EPB41L2: variants seen among roughly 807,000 people sequenced by gnomAD.
The protein encoded by EPB41L2 is band 4.1-like protein 2.
Under a neutral mutation model 113.0 loss-of-function variants are expected in EPB41L2, and 43 were observed. The observed-to-expected ratio is 0.38, with a 90% CI of 0.30 to 0.49. EPB41L2 has a LOEUF of 0.49. Among genes scored for constraint, EPB41L2 ranks in the 20% least tolerant of loss-of-function variants. EPB41L2 has a pLI of 0.95. For missense variants in EPB41L2, 1,147 were observed against 1,223.4 expected (o/e 0.94, Z 0.93); for synonymous variants, 442 against 436.7 (o/e 1.01, Z -0.15).
chr6:130,857,010 G>T (rs992163428), intron 19 of EPB41L2, among the ~76,000 whole-genome samples: 1 of 151,892 alleles, frequency 6.6e-6, no homozygotes, highest in African/African-American at 2.4e-5. Flanking sequence ...ATTAAAATGT[G>T]ACAAATACCC....
chr6:130,959,118 A>G (rs1195710171), intron 1 of EPB41L2, among the ~76,000 whole-genome samples: 1 of 152,240 alleles, frequency 6.6e-6, no homozygotes, highest in African/African-American at 2.4e-5. Flanking sequence ...GGCTGAATAT[A>G]GAAAGTCAAA....
At chr6:130,930,191 G>T (rs1197838385) in intron 3 of EPB41L2, among the ~76,000 whole-genome samples, 1 of 151,908 alleles carries the variant, frequency 6.6e-6, no homozygotes, top group Non-Finnish European at 1.5e-5. Flanking sequence ...CCTTTCACTT[G>T]GGAAACCTGA....
intron 1 of EPB41L2, among the ~76,000 whole-genome samples, chr6:131,004,963 A>G (rs1037869891): frequency 6.6e-6 from 1 of 152,244 alleles, no homozygotes; most frequent in East Asian, 1.9e-4. Flanking sequence ...ACTTTCTATC[A>G]AGATTTTACT....
intron 1 of EPB41L2, among the ~76,000 whole-genome samples, chr6:131,057,938 G>T (rs1004230471): frequency 1.3e-5 from 2 of 152,160 alleles, no homozygotes; most frequent in African/African-American, 4.8e-5. Flanking sequence ...CCATGATGCC[G>T]AACTTAGTTA....
At chr6:130,848,612 C>T (rs112783504) in intron 19 of EPB41L2, among the ~76,000 whole-genome samples, 4,202 of 152,286 alleles carry the variant, frequency 0.028, 193 homozygotes, top group African/African-American at 0.096. Flanking sequence ...GGCTACCATA[C>T]TGGACAGAAC....
intron 1 of EPB41L2, among the ~76,000 whole-genome samples, chr6:131,014,918 A>G (rs993423067): frequency 6.6e-6 from 1 of 152,220 alleles, no homozygotes; most frequent in Non-Finnish European, 1.5e-5. Flanking sequence ...AAGCAAACCA[A>G]GGAATTCAAA....
intron 3 of EPB41L2, among the ~76,000 whole-genome samples, chr6:130,927,676 G>A (rs576026484): frequency 6.6e-6 from 1 of 152,314 alleles, no homozygotes; most frequent in Admixed American, 6.5e-5. Flanking sequence ...GTATCTTGAG[G>A]AGGAGAATCT....
At chr6:130,900,860 T>C (rs1301927151) in intron 7 of EPB41L2, 102 bp downstream of exon 7, 8 of 1,382,650 alleles carry the variant, frequency 5.8e-6, no homozygotes, top group African/African-American at 1.4e-5. Context: ...AAAGGAAAAA[T>C]TGGATAATCC....
intron 1 of EPB41L2, among the ~76,000 whole-genome samples, chr6:130,974,699 T>C (rs1777731695): frequency 6.8e-6 from 1 of 146,610 alleles, no homozygotes; most frequent in Admixed American, 7.0e-5. Flanking sequence ...TAAGGCAGCC[T>C]CTTTTTTCTT....
intron 15 of EPB41L2, chr6:130,868,296 A>C (rs542084677): frequency 6.6e-6 from 1 of 152,482 alleles, no homozygotes; most frequent in African/African-American, 2.4e-5. Context: ...GTATTACCTA[A>C]GTTAAAATGC....
intron 5 of EPB41L2, among the ~76,000 whole-genome samples, chr6:130,907,843 A>AG: frequency 6.6e-6 from 1 of 152,248 alleles, no homozygotes; most frequent in South Asian, 2.1e-4. Context: ...CTTAGGAATA[A>AG]TAAGTAAGTA....
At chr6:130,911,344 G>T (rs1799329415) in intron 4 of EPB41L2, among the ~76,000 whole-genome samples, 1 of 152,096 alleles carries the variant, frequency 6.6e-6, no homozygotes, top group South Asian at 2.1e-4. Context: ...ACGGAGAGGG[G>T]AACATCACAC....
At chr6:130,953,154 C>A (rs1191238748) in intron 3 of EPB41L2, among the ~76,000 whole-genome samples, 2 of 151,552 alleles carry the variant, frequency 1.3e-5, no homozygotes, top group African/African-American at 2.4e-5. Context: ...CCCCTAATTT[C>A]TAGGATAGGT....
chr6:130,907,423 T>C (rs1269528394), intron 5 of EPB41L2, among the ~76,000 whole-genome samples: 1 of 151,892 alleles, frequency 6.6e-6, no homozygotes, highest in Non-Finnish European at 1.5e-5. Context: ...ACCAAGAAAA[T>C]AAATGCAAGA....
chr6:131,035,874 A>C (rs1316019124), intron 1 of EPB41L2, among the ~76,000 whole-genome samples: 1 of 152,206 alleles, frequency 6.6e-6, no homozygotes, highest in East Asian at 1.9e-4. Context: ...GAGAAAGCAC[A>C]AATGCTCCCA....
chr6:130,919,774 T>TA (rs1419236603), intron 4 of EPB41L2, among the ~76,000 whole-genome samples: 1 of 152,170 alleles, frequency 6.6e-6, no homozygotes, highest in Admixed American at 6.5e-5. Context: ...TAATGGCAAT[T>TA]AGAGAAAAAC....
intron 4 of EPB41L2, among the ~76,000 whole-genome samples, chr6:130,909,658 T>C (rs963483131): frequency 1.3e-5 from 2 of 152,204 alleles, no homozygotes; most frequent in African/African-American, 4.8e-5. Flanking sequence ...GCCCAAAATC[T>C]ACTTAAGCTG....
chr6:130,944,952 T>C (rs1248731431), intron 3 of EPB41L2, among the ~76,000 whole-genome samples: 3 of 152,204 alleles, frequency 2.0e-5, no homozygotes, highest in Non-Finnish European at 4.4e-5. Flanking sequence ...TTTTCCCATT[T>C]AGTAAATACA....
At chr6:131,009,706 A>C (rs1411633748) in intron 1 of EPB41L2, among the ~76,000 whole-genome samples, 1 of 152,150 alleles carries the variant, frequency 6.6e-6, no homozygotes, top group Non-Finnish European at 1.5e-5. Context: ...CATTTAGAAA[A>C]AAAAGGTAAA....
Sources: allele counts gnomAD v4.1 joint callset (sites outside exome capture counted in the v4.1 genomes callset), GRCh38; gene constraint gnomAD v4.1.1; transcripts MANE v1.5; gene names NCBI Gene and HGNC (gene_info 2026-07-23, HGNC 2026-07-21).